The following ANO10 variants were observed in gnomAD, a reference collection of about 807,000 sequenced individuals.
ANO10 encodes anoctamin-10.
In ANO10, 77 loss-of-function variants were observed where a neutral mutation model predicts 74.7. The observed-to-expected ratio is 1.03, with a 90% CI of 0.86 to 1.25. The LOEUF (loss-of-function observed/expected upper bound fraction) is 1.25, where lower values mean the gene tolerates loss of function less well. Among genes scored for constraint, ANO10 ranks in the 50% most tolerant of loss-of-function variants. ANO10 has a pLI of 0.00. For missense variants in ANO10, 721 were observed against 778.1 expected, an observed-to-expected ratio of 0.93 and a Z score of 0.87; for synonymous variants, 279 against 284.9, an observed-to-expected ratio of 0.98 and a Z score of 0.21.
intron 1 of ANO10, among the ~76,000 whole-genome samples, chr3:43,670,356 A>ATAAT (rs1575587375): frequency 6.6e-6 from 1 of 151,338 alleles, no homozygotes; most frequent in African/African-American, 2.4e-5. Flanking sequence ...AAATAAATAA[A>ATAAT]ATAATAAATC....
intron 12 of ANO10, among the ~76,000 whole-genome samples, chr3:43,388,435 T>A (rs2092187251): frequency 6.6e-6 from 1 of 152,136 alleles, no homozygotes; most frequent in African/African-American, 2.4e-5. Flanking sequence ...GGAGATGGCA[T>A]GTGTGAATGC....
At chr3:43,476,302 A>G (rs1407927004) in intron 11 of ANO10, among the ~76,000 whole-genome samples, 1 of 152,206 alleles carries the variant, frequency 6.6e-6, no homozygotes, top group Non-Finnish European at 1.5e-5. Flanking sequence ...TTTTCAGTTT[A>G]TCTTGGTGAT....
At chr3:43,438,204 T>C (rs2093102442) in intron 11 of ANO10, among the ~76,000 whole-genome samples, 1 of 152,046 alleles carries the variant, frequency 6.6e-6, no homozygotes, top group Non-Finnish European at 1.5e-5. Context: ...GAGGCCAAGG[T>C]GGAGGATCAT....
At chr3:43,630,304 G>A (rs985066227) in intron 1 of ANO10, among the ~76,000 whole-genome samples, 4 of 152,124 alleles carry the variant, frequency 2.6e-5, no homozygotes, top group Non-Finnish European at 4.4e-5. Context: ...TGTGAATAAA[G>A]ATATTGAAAC....
chr3:43,436,346 AGGG>A (rs1486051021), intron 11 of ANO10, among the ~76,000 whole-genome samples: 3 of 152,158 alleles, frequency 2.0e-5, no homozygotes, highest in African/African-American at 7.2e-5. Context: ...AAATGAACAG[AGGG>A]GTGGAAGGAG....
At chr3:43,652,415 T>C (rs754052617) in intron 1 of ANO10, among the ~76,000 whole-genome samples, 3 of 152,202 alleles carry the variant, frequency 2.0e-5, no homozygotes, top group Non-Finnish European at 4.4e-5. Context: ...GAAAGAACAG[T>C]CTTTTCAACA....
At chr3:43,580,807 T>C (rs1332746984) in intron 4 of ANO10, among the ~76,000 whole-genome samples, 1 of 152,162 alleles carries the variant, frequency 6.6e-6, no homozygotes. Context: ...AATATATCCA[T>C]ATATATTTTA....
At chr3:43,409,444 T>G (rs567377014) in intron 12 of ANO10, among the ~76,000 whole-genome samples, 2 of 151,930 alleles carry the variant, frequency 1.3e-5, no homozygotes, top group African/African-American at 4.8e-5. Flanking sequence ...ACTTGTGGGG[T>G]GAGGTGCTAG....
intron 1 of ANO10, among the ~76,000 whole-genome samples, chr3:43,608,658 T>C (rs1390686616): frequency 6.6e-6 from 1 of 152,142 alleles, no homozygotes; most frequent in African/African-American, 2.4e-5. Context: ...CGTGGCTCAC[T>C]GCAGCCTCAA....
At chr3:43,428,796 C>CAATAAAAAA in intron 12 of ANO10, among the ~76,000 whole-genome samples, 1 of 55,422 alleles carries the variant, frequency 1.8e-5, no homozygotes, top group Non-Finnish European at 3.2e-5. Flanking sequence ...TTTGTGAATG[C>CAATAAAAAA]AAAAAAAAAA....
chr3:43,484,506 CAA>C (rs1161987048), intron 11 of ANO10, among the ~76,000 whole-genome samples: 1 of 152,104 alleles, frequency 6.6e-6, no homozygotes, highest in Non-Finnish European at 1.5e-5. Flanking sequence ...CAAAATATGT[CAA>C]AGAAATATAT....
intron 11 of ANO10, among the ~76,000 whole-genome samples, chr3:43,463,015 G>T (rs562499741): frequency 6.6e-6 from 1 of 152,204 alleles, no homozygotes; most frequent in Non-Finnish European, 1.5e-5. Flanking sequence ...GAAATGCCTC[G>T]ATGTCCAGGC....
At chr3:43,503,074 C>T (rs80020076) in intron 11 of ANO10, among the ~76,000 whole-genome samples, 2,574 of 152,014 alleles carry the variant, frequency 0.017, 66 homozygotes, top group African/African-American at 0.057. Context: ...ATGGTCAAGA[C>T]AGTAAATTTT....
intron 12 of ANO10, among the ~76,000 whole-genome samples, chr3:43,395,823 G>A (rs1250971473): frequency 6.6e-6 from 1 of 150,696 alleles, no homozygotes; most frequent in Non-Finnish European, 1.5e-5. Context: ...TGAATCTATA[G>A]AACAGGGGTT....
At chr3:43,613,883 A>G (rs1250123476) in intron 1 of ANO10, among the ~76,000 whole-genome samples, 5 of 152,168 alleles carry the variant, frequency 3.3e-5, no homozygotes, top group African/African-American at 9.7e-5. Context: ...GCATGCATCA[A>G]ATTATTCTAA....
At chr3:43,669,275 C>CA (rs1033977550) in intron 1 of ANO10, among the ~76,000 whole-genome samples, 5 of 152,258 alleles carry the variant, frequency 3.3e-5, no homozygotes, top group East Asian at 1.9e-4. Context: ...CAGTGTATTG[C>CA]AAAATGGTTC....
intron 11 of ANO10, among the ~76,000 whole-genome samples, chr3:43,490,315 A>C (rs1029006131): frequency 5.3e-5 from 8 of 152,190 alleles, no homozygotes; most frequent in Non-Finnish European, 1.2e-4. Context: ...TGTTGCAATA[A>C]GTTTCCAGCC....
chr3:43,416,739 T>C (rs928351802), intron 12 of ANO10, among the ~76,000 whole-genome samples: 2 of 152,196 alleles, frequency 1.3e-5, no homozygotes, highest in Non-Finnish European at 2.9e-5. Context: ...CAAATCTGAT[T>C]TCATGGTTAC....
At position 43,600,567 on chromosome 3, in the gene ANO10, A is replaced by G; in HGVS notation, c.154T>C (p.Phe52Leu). The change falls in exon 3 of 13, where the codon TTT becomes CTT. Residue 52 changes from phenylalanine (F) to leucine (L), a missense_variant. Physicochemically the swap from Phe to Leu is conservative, Grantham distance 22. Transcript: ENST00000292246. ...KKKDGGAQLLFRPLLNKYEQE... is the reference protein window; with the variant it reads ...KKKDGGAQLLLRPLLNKYEQE... The stretch of plus-strand genomic sequence containing the variant: ...TCATATTTATTTAACAATGGTCTAA[A>G]CAACAACTGGGCACCTTCAAAAACA... The G allele has an allele frequency of 3.7e-6, 6 of 1,612,216 alleles. No individual in the cohort carries two copies. The highest frequency in any genetic ancestry group is 5.1e-6 in the Non-Finnish European group (6 of 1,178,266).
Sources: gnomAD v4.1 joint callset for allele counts (sites outside exome capture counted in the v4.1 genomes callset) on GRCh38, gnomAD v4.1.1 for gene constraint, MANE v1.5 for transcripts, NCBI Gene and HGNC (gene_info 2026-07-23, HGNC 2026-07-21) for gene names.